The following AKAIN1 variants were observed in gnomAD, a reference collection of about 807,000 sequenced individuals.
The protein encoded by AKAIN1 is A-kinase anchor protein inhibitor 1.
In AKAIN1, 3 loss-of-function variants were observed where a neutral mutation model predicts 3.7. The ratio of observed to expected loss-of-function variants is 0.82; its 90% confidence interval spans 0.37 to 2.12. AKAIN1 has a LOEUF of 2.12. Among genes scored for constraint, AKAIN1 ranks in the 30% most tolerant of loss-of-function variants. The pLI is 0.06. For missense variants in AKAIN1, 82 were observed against 82.7 expected (o/e 0.99, Z 0.03); for synonymous variants, 31 against 30.8 (o/e 1.01, Z -0.02).
Position 5,145,041 on chromosome 18 carries a change from C to A in AKAIN1, c.*521G>T, listed in dbSNP as rs924796744. Among the ~76,000 whole-genome samples, 1 of 152,132 alleles carries A rather than the reference C, an allele frequency of 6.6e-6. No individual in the cohort carries two copies. The highest frequency in any genetic ancestry group is 2.4e-5 in the African/African-American group (1 of 41,434). On this transcript the variant is annotated 3_prime_UTR_variant, in exon 2 of 2. Coordinates refer to ENST00000434239, the MANE Select transcript of AKAIN1 (RefSeq NM_001145194.2). ...TTGGTATGGTCCCGAGGGACTCAGC[C>A]TTAGAATTTCCCTTTTCTTAATTTG...
intron 1 of AKAIN1, among the ~76,000 whole-genome samples, chr18:5,164,070 C>G (rs2071154445): frequency 6.6e-6 from 1 of 152,022 alleles, no homozygotes; most frequent in Non-Finnish European, 1.5e-5. Context: ...ATAGGTAGCT[C>G]TTACACCTGT....
Position 5,197,134 on chromosome 18 carries a change from G to A in AKAIN1, c.-81C>T. ...GATGGGAAGAAGGCCGGACTTGGCGGGGTCCGGTGCAGGAGGGCGCGCTGG... is the reference window on the plus strand; with the variant it reads ...GATGGGAAGAAGGCCGGACTTGGCGAGGTCCGGTGCAGGAGGGCGCGCTGG... On this transcript the variant is annotated 5_prime_UTR_variant, in exon 1 of 2. Transcript: ENST00000434239. This position sits in a 1 kb window ranked among gnomAD's most constrained non-coding sequence, Gnocchi z 6.9. The A allele has an allele frequency of 7.8e-6, 12 of 1,544,944 alleles. No homozygotes were observed. Among genetic ancestry groups the A allele is most frequent in the South Asian group, 1.2e-5 (1 of 83,926 alleles).
chr18:5,181,602 A>G (rs978050866), intron 1 of AKAIN1, among the ~76,000 whole-genome samples: 2 of 152,138 alleles, frequency 1.3e-5, no homozygotes, highest in East Asian at 3.9e-4. Context: ...TAAACCTCTA[A>G]GGATGCTGAA....
intron 1 of AKAIN1, among the ~76,000 whole-genome samples, chr18:5,192,385 T>TTTTTC (rs2071323399): frequency 2.8e-5 from 3 of 106,990 alleles, no homozygotes; most frequent in African/African-American, 7.1e-5. Flanking sequence ...ACAGAGCTAA[T>TTTTTC]TTTCTTTCTT....
At chr18:5,164,753 A>G (rs1456750674) in intron 1 of AKAIN1, among the ~76,000 whole-genome samples, 1 of 152,034 alleles carries the variant, frequency 6.6e-6, no homozygotes, top group African/African-American at 2.4e-5. Flanking sequence ...AGTAATGCAT[A>G]CTACACTAGT....
intron 1 of AKAIN1, among the ~76,000 whole-genome samples, chr18:5,158,378 G>A (rs775060977): frequency 2.6e-5 from 4 of 152,138 alleles, no homozygotes; most frequent in Non-Finnish European, 4.4e-5. Flanking sequence ...CATGAGAGAC[G>A]GTGCAGAAAA....
chr18:5,144,072 T>C lies in AKAIN1; in HGVS notation c.*1490A>G, dbSNP rs2071035568. 6.6e-6 allele frequency among the ~76,000 whole-genome samples: 1 copy of C among 152,206 alleles called. No individual in the cohort carries two copies. The highest frequency in any genetic ancestry group is 1.5e-5 in the Non-Finnish European group (1 of 68,048). On this transcript the variant is annotated 3_prime_UTR_variant, in exon 2 of 2. Coordinates refer to ENST00000434239, the MANE Select transcript of AKAIN1 (RefSeq NM_001145194.2). ...AAGAAATACTTGTGAGTAAACAATC[T>C]TTAAATTTTAAGCCCTTCTGCTTCC...
intron 1 of AKAIN1, among the ~76,000 whole-genome samples, chr18:5,182,571 AC>A (rs1354618210): frequency 6.6e-6 from 1 of 152,136 alleles, no homozygotes; most frequent in Non-Finnish European, 1.5e-5. Flanking sequence ...TTCTGCAACA[AC>A]CAACTTTGCT....
At chr18:5,165,232 G>T in intron 1 of AKAIN1, among the ~76,000 whole-genome samples, 1 of 151,966 alleles carries the variant, frequency 6.6e-6, no homozygotes, top group East Asian at 1.9e-4. Flanking sequence ...ATTAAGGGGA[G>T]ATATCACCCA....
Position 5,181,014 on chromosome 18 carries a change from G to A in AKAIN1, c.16+16024C>T, listed in dbSNP as rs149186534. On this transcript the variant is annotated intron_variant, in intron 1 of 1. Transcript: ENST00000434239. Reference sequence around the variant, plus strand: ...TGAAAAAAAGAAAATACAGCCAGGTGTGGTGGCTCATGCCTATAATAGCAA... The same window carrying A: ...TGAAAAAAAGAAAATACAGCCAGGTATGGTGGCTCATGCCTATAATAGCAA... 7.6e-3 allele frequency among the ~76,000 whole-genome samples: 1,160 copies of A among 152,140 alleles called. 11 individuals are homozygous for A. Among genetic ancestry groups the A allele is most frequent in the African/African-American group, 0.027 (1,104 of 41,538 alleles).
At chr18:5,192,727 A>G (rs12966720) in intron 1 of AKAIN1, among the ~76,000 whole-genome samples, 9 of 152,092 alleles carry the variant, frequency 5.9e-5, no homozygotes, top group Non-Finnish European at 1.3e-4. Flanking sequence ...CATTTATACA[A>G]CAGTCTGAAA....
chr18:5,172,590 T>C (rs1382938964), intron 1 of AKAIN1, among the ~76,000 whole-genome samples: 2 of 152,050 alleles, frequency 1.3e-5, no homozygotes, highest in South Asian at 2.1e-4. Context: ...AACTATGTGT[T>C]TTTGCCTCTA....
intron 1 of AKAIN1, among the ~76,000 whole-genome samples, chr18:5,184,379 A>G (rs1185281672): frequency 3.3e-5 from 5 of 152,078 alleles, no homozygotes; most frequent in Admixed American, 2.0e-4. Context: ...AAGACATCAA[A>G]TAGGAGGAAA....
chr18:5,195,888 T>C (rs292283), intron 1 of AKAIN1, among the ~76,000 whole-genome samples: 9,937 of 152,170 alleles, frequency 0.065, 379 homozygotes, highest in African/African-American at 0.074. Flanking sequence ...AACCACTGCC[T>C]GTGGTAAAGC....
At chr18:5,154,945 C>T (rs7242778) in intron 1 of AKAIN1, among the ~76,000 whole-genome samples, 19,626 of 152,108 alleles carry the variant, frequency 0.13, 2,218 homozygotes, top group African/African-American at 0.31. Context: ...GCCACCACGC[C>T]CAGCTAATTT....
intron 1 of AKAIN1, among the ~76,000 whole-genome samples, chr18:5,180,023 A>G (rs994816759): frequency 2.4e-4 from 37 of 152,030 alleles, no homozygotes; most frequent in African/African-American, 8.2e-4. Flanking sequence ...TCTTTACTGG[A>G]GCACAGCTTT....
chr18:5,162,282 A>C lies in AKAIN1; in HGVS notation c.17-16527T>G, dbSNP rs1330395937. On this transcript the variant is annotated intron_variant, in intron 1 of 1. Coordinates refer to ENST00000434239, the MANE Select transcript of AKAIN1 (RefSeq NM_001145194.2). ...GGTCCCCTAGGTAAGGATTCTGAGC[A>C]AGCTAGAAATCCTGCTGCTCTGACT... 2.6e-5 allele frequency among the ~76,000 whole-genome samples: 4 copies of C among 152,098 alleles called. No homozygotes were observed. The East Asian group carries it at 7.7e-4, about 29-fold the overall frequency.
chr18:5,161,793 A>G (rs1392522867), intron 1 of AKAIN1, among the ~76,000 whole-genome samples: 2 of 152,150 alleles, frequency 1.3e-5, no homozygotes, highest in Admixed American at 6.6e-5. Context: ...CGTATTATTT[A>G]ATCTCATTGA....
chr18:5,172,412 C>T (rs1330962984), intron 1 of AKAIN1, among the ~76,000 whole-genome samples: 2 of 151,756 alleles, frequency 1.3e-5, no homozygotes, highest in Non-Finnish European at 2.9e-5. Context: ...TCTCATGTAG[C>T]CCATAAATAT....
Sources: allele counts gnomAD v4.1 joint callset (sites outside exome capture counted in the v4.1 genomes callset), GRCh38; gene constraint gnomAD v4.1.1; non-coding constraint Gnocchi (gnomAD v3.1); transcripts MANE v1.5; gene names NCBI Gene and HGNC (gene_info 2026-07-23, HGNC 2026-07-21).